Variants in DIAPH1 observed in about 807,000 individuals in gnomAD.
The protein encoded by DIAPH1 is diaphanous related formin 1, also known as protein diaphanous homolog 1.
Under a neutral mutation model 140.7 loss-of-function variants are expected in DIAPH1, and 46 were observed. The observed-to-expected ratio is 0.33, with a 90% confidence interval of 0.26 to 0.42. The LOEUF is 0.42. Ranked by LOEUF, DIAPH1 falls within the 10% of genes least tolerant of loss-of-function variation. The pLI, the probability that DIAPH1 is intolerant of heterozygous loss-of-function variation, is 1.00. For missense variants in DIAPH1, 1,310 were observed against 1,558.7 expected (o/e 0.84, Z 2.69); for synonymous variants, 565 against 551.6 (o/e 1.02, Z -0.34).
chr5:141,531,703 G>A (rs547626212), intron 19 of DIAPH1, among the ~76,000 whole-genome samples: 4 of 152,020 alleles, frequency 2.6e-5, no homozygotes, highest in South Asian at 2.1e-4. Flanking sequence ...GACCAGGCTC[G>A]TCTCGAACTC....
rs1299374380 is a variant in DIAPH1, at chr5:141,515,796, A to G, written c.*1055T>C. 1 of 152,276 alleles carries G rather than the reference A, an allele frequency of 6.6e-6. No individual in the cohort carries two copies. Among genetic ancestry groups the G allele is most frequent in the African/African-American group, 2.4e-5 (1 of 41,444 alleles). The allele number at this position is 152,276 out of a possible 1,614,324, so 9.4% of individuals were successfully genotyped here. A position where few individuals can be genotyped will look rare whatever the true frequency, so the allele number is the denominator to read the frequency against. On this transcript the variant is annotated 3_prime_UTR_variant, in exon 28 of 28. Coordinates refer to ENST00000389054, the MANE Select transcript of DIAPH1 (RefSeq NM_005219.5). The stretch of plus-strand genomic sequence containing the variant: ...ATCTGCCTTGGACTCAAGGGTCCAG[A>G]AGGTCCAGGGGCACATTCAGGATTG...
At chr5:141,556,963 G>C (rs1005791221) in intron 18 of DIAPH1, among the ~76,000 whole-genome samples, 1 of 152,152 alleles carries the variant, frequency 6.6e-6, no homozygotes, top group South Asian at 2.1e-4. Context: ...CCAAAGTGCT[G>C]GGATTACAGG....
intron 1 of DIAPH1, among the ~76,000 whole-genome samples, chr5:141,591,695 G>GATAGATATATATATATAT (rs1554210985): frequency 1.2e-5 from 1 of 86,326 alleles, no homozygotes; most frequent in African/African-American, 5.7e-5. Flanking sequence ...GGGAGATGGG[G>GATAGATATATATATATAT]ATATATATAT....
chr5:141,550,663 T>A (rs991648378), intron 18 of DIAPH1, among the ~76,000 whole-genome samples: 1 of 152,172 alleles, frequency 6.6e-6, no homozygotes, highest in African/African-American at 2.4e-5. Flanking sequence ...TTGCCCAGGC[T>A]GGAGTGCAGT....
intron 11 of DIAPH1, 82 bp from the exon 12 acceptor site, chr5:141,577,673 T>C (rs1052824833): frequency 2.3e-6 from 2 of 873,546 alleles, no homozygotes; most frequent in Non-Finnish European, 3.9e-6. Flanking sequence ...TTGAAAAAGC[T>C]AGGGAAAAGT....
At chr5:141,564,281 G>A (rs1226185525) in intron 18 of DIAPH1, 2 of 152,208 alleles carry the variant, frequency 1.3e-5, no homozygotes, top group Admixed American at 6.5e-5. Context: ...GACAGGTAGA[G>A]GGCAGTATAC....
intron 18 of DIAPH1, among the ~76,000 whole-genome samples, chr5:141,535,111 G>T (rs1414680028): frequency 2.0e-5 from 3 of 152,030 alleles, no homozygotes. Context: ...CACCACGCCC[G>T]GCTAATTTTT....
At chr5:141,569,262 C>G (rs1337922238) in intron 18 of DIAPH1, among the ~76,000 whole-genome samples, 2 of 152,066 alleles carry the variant, frequency 1.3e-5, no homozygotes, top group Admixed American at 6.5e-5. Flanking sequence ...ACTTTTTATA[C>G]AGTTTGGAAA....
chr5:141,527,555 C>T lies in DIAPH1; in HGVS notation c.3273+18G>A, dbSNP rs1562283293. 3 of 1,613,662 alleles carry T rather than the reference C, an allele frequency of 1.9e-6. No homozygotes were observed. The highest frequency in any genetic ancestry group is 2.5e-6 in the Non-Finnish European group (3 of 1,179,872). On this transcript the variant is annotated intron_variant, in intron 24 of 27. Coordinates refer to ENST00000389054, the MANE Select transcript of DIAPH1 (RefSeq NM_005219.5). ...TTCCCTTCCTAGGGAACAACTCCCT[C>T]CTTTCAAGAGAGGATATGGTCATTT...
chr5:141,566,074 G>A (rs2099894315), intron 18 of DIAPH1, among the ~76,000 whole-genome samples: 1 of 152,240 alleles, frequency 6.6e-6, no homozygotes. Context: ...CAGGGAAAGA[G>A]TGAAGTCATC....
chr5:141,536,000 TA>T (rs2099888952), intron 18 of DIAPH1: 2 of 469,830 alleles, frequency 4.3e-6, no homozygotes. Flanking sequence ...CAAAGAACTA[TA>T]AAACACATTC....
chr5:141,518,956 C>T (rs566944542), intron 27 of DIAPH1: 2 of 1,519,394 alleles, frequency 1.3e-6, no homozygotes, highest in African/African-American at 1.4e-5. Context: ...ATTTAAAGGT[C>T]TCCTCCTCCT....
chr5:141,605,438 C>T (rs1259329240), intron 1 of DIAPH1, among the ~76,000 whole-genome samples: 1 of 152,014 alleles, frequency 6.6e-6, no homozygotes, highest in Admixed American at 6.5e-5. Context: ...AAAGCACACA[C>T]AAAAAATCAT....
chr5:141,535,907 C>A, intron 18 of DIAPH1: 2 of 389,246 alleles, frequency 5.1e-6, no homozygotes, highest in Admixed American at 3.1e-5. Context: ...CTTTTTATAC[C>A]ATTTGAATTT....
At position 141,608,388 on chromosome 5, in the gene DIAPH1, C is replaced by T. The variant is rs540317963; in HGVS notation, c.117+10410G>A. ...GCATTCTAAGATTTTGAAACTTAGG[C>T]CTTCTGTCAGTCCAATAGCCTTTCC... On this transcript the variant is annotated intron_variant, in intron 1 of 27. Coordinates refer to ENST00000389054, the MANE Select transcript of DIAPH1 (RefSeq NM_005219.5). 1.4e-3 allele frequency among the ~76,000 whole-genome samples: 208 copies of T among 152,344 alleles called. 1 individual carries two copies. The highest frequency in any genetic ancestry group is 4.8e-3 in the African/African-American group (198 of 41,578).
chr5:141,573,418 G>A, intron 16 of DIAPH1, 74 bp downstream of exon 16: 6 of 1,545,894 alleles, frequency 3.9e-6, no homozygotes, highest in Middle Eastern at 4.8e-4. Flanking sequence ...CTGGGCGACA[G>A]AGCGAAACTC....
chr5:141,534,555 T>C (rs1458965204), intron 18 of DIAPH1, 122 bp from the exon 19 acceptor site: 1 of 770,198 alleles, frequency 1.3e-6, no homozygotes, highest in Non-Finnish European at 2.2e-6. Flanking sequence ...GTCTATTGTA[T>C]TCCTTCAAAA....
At chr5:141,531,636 C>T (rs2099888252) in intron 19 of DIAPH1, among the ~76,000 whole-genome samples, 1 of 152,074 alleles carries the variant, frequency 6.6e-6, no homozygotes, top group African/African-American at 2.4e-5. Flanking sequence ...TATAGGCGTG[C>T]TCCACCATGC....
At chr5:141,615,173 C>A (rs1562355195) in intron 1 of DIAPH1, among the ~76,000 whole-genome samples, 1 of 152,142 alleles carries the variant, frequency 6.6e-6, no homozygotes, top group South Asian at 2.1e-4. Flanking sequence ...AGGTGGCTCA[C>A]GCCTGTAATC....
Sources: gnomAD v4.1 joint callset for allele counts (sites outside exome capture counted in the v4.1 genomes callset) on GRCh38, gnomAD v4.1.1 for gene constraint, MANE v1.5 for transcripts, NCBI Gene and HGNC (gene_info 2026-07-23, HGNC 2026-07-21) for gene names.